CACNA2D3: variants seen among roughly 807,000 people sequenced by gnomAD.
The protein encoded by CACNA2D3 is voltage-dependent calcium channel subunit alpha-2/delta-3.
CACNA2D3 carries 60 observed loss-of-function variants against 160.6 expected under a neutral mutation model. The observed-to-expected ratio is 0.37, with a 90% CI of 0.30 to 0.46. CACNA2D3 has a LOEUF of 0.46. Among genes scored for constraint, CACNA2D3 ranks in the 20% least tolerant of loss-of-function variants. The pLI is 1.00. For missense variants in CACNA2D3, 1,205 were observed against 1,365.0 expected, an observed-to-expected ratio of 0.88 and a Z score of 1.85; for synonymous variants, 558 against 492.9, an observed-to-expected ratio of 1.13 and a Z score of -1.75.
chr3:54,998,222 G>A (rs917892028), intron 31 of CACNA2D3, among the ~76,000 whole-genome samples: 9 of 143,246 alleles, frequency 6.3e-5, no homozygotes, highest in African/African-American at 1.0e-4. Context: ...TGCCACCTCC[G>A]CCTCCTGGGT....
intron 2 of CACNA2D3, among the ~76,000 whole-genome samples, chr3:54,251,888 T>G (rs564576351): frequency 5.3e-5 from 8 of 152,208 alleles, no homozygotes; most frequent in African/African-American, 9.6e-5. Context: ...AGTGTGAAAC[T>G]TGAAGACCTG....
chr3:54,859,958 TCTGGAAA>T (rs1477221818), intron 17 of CACNA2D3, among the ~76,000 whole-genome samples: 7 of 135,582 alleles, frequency 5.2e-5, no homozygotes, highest in African/African-American at 2.1e-4. Flanking sequence ...TAGAACATCA[TCTGGAAA>T]GTAGATGCAC....
At chr3:54,518,356 A>G (rs1416781155) in intron 5 of CACNA2D3, among the ~76,000 whole-genome samples, 1 of 151,986 alleles carries the variant, frequency 6.6e-6, no homozygotes, top group Non-Finnish European at 1.5e-5. Context: ...AGGGTAGGGG[A>G]AGTGAGGGGT....
At chr3:54,624,299 A>G (rs1699048204) in intron 9 of CACNA2D3, among the ~76,000 whole-genome samples, 1 of 152,172 alleles carries the variant, frequency 6.6e-6, no homozygotes, top group Non-Finnish European at 1.5e-5. Flanking sequence ...GATGAAAAGA[A>G]AAATTAAATG....
At chr3:54,546,710 G>A (rs1000924561) in intron 5 of CACNA2D3, among the ~76,000 whole-genome samples, 6 of 31,548 alleles carry the variant, frequency 1.9e-4, no homozygotes, top group African/African-American at 2.8e-4. Flanking sequence ...ACACACACAC[G>A]CGCGCACACA....
At chr3:54,709,516 A>AT (rs1305307176) in intron 11 of CACNA2D3, among the ~76,000 whole-genome samples, 4 of 152,074 alleles carry the variant, frequency 2.6e-5, no homozygotes, top group African/African-American at 9.7e-5. Flanking sequence ...GTACATCACC[A>AT]TGCTGGGCTA....
At chr3:54,437,670 T>A (rs1700080934) in intron 4 of CACNA2D3, among the ~76,000 whole-genome samples, 1 of 152,270 alleles carries the variant, frequency 6.6e-6, no homozygotes. Flanking sequence ...GATTACACAC[T>A]GATCCATATC....
chr3:54,745,100 G>A (rs941765108), intron 11 of CACNA2D3, among the ~76,000 whole-genome samples: 3 of 152,260 alleles, frequency 2.0e-5, no homozygotes, highest in African/African-American at 7.2e-5. Flanking sequence ...TTCCCTAGAA[G>A]CAGAAGGCAT....
At chr3:54,210,393 A>G (rs545375714) in intron 2 of CACNA2D3, among the ~76,000 whole-genome samples, 5 of 152,234 alleles carry the variant, frequency 3.3e-5, no homozygotes, top group Non-Finnish European at 5.9e-5. Context: ...TAGCAAATCT[A>G]TTTTAAAAAT....
In CACNA2D3 at chr3:55,074,307, A is replaced by G; in HGVS notation, c.*101A>G. On this transcript the variant is annotated 3_prime_UTR_variant, in exon 38 of 38. Coordinates refer to ENST00000474759, the MANE Select transcript of CACNA2D3 (RefSeq NM_018398.3). ...ATATGGTGCAACATACGAGACATGA[A>G]TATAGTCCAACCATCAGCATCTCAT... 1.1e-6 allele frequency: 1 copy of G among 892,208 alleles called. No individual in the cohort carries two copies. Among genetic ancestry groups the G allele is most frequent in the Non-Finnish European group, 1.9e-6 (1 of 530,256 alleles). The allele number at this position is 892,208 out of a possible 1,614,324, so 55.3% of individuals were successfully genotyped here. A position where few individuals can be genotyped will look rare whatever the true frequency, so the allele number is the denominator to read the frequency against.
intron 2 of CACNA2D3, among the ~76,000 whole-genome samples, chr3:54,138,579 T>C (rs145969165): frequency 2.2e-4 from 33 of 152,346 alleles, no homozygotes; most frequent in African/African-American, 7.7e-4. Context: ...GGTCATTGTT[T>C]TGAGGCCAGA....
intron 5 of CACNA2D3, among the ~76,000 whole-genome samples, chr3:54,507,952 G>A (rs1701398751): frequency 6.6e-6 from 1 of 152,268 alleles, no homozygotes; most frequent in Non-Finnish European, 1.5e-5. Context: ...GGACTCAAGT[G>A]CTGTGGTCTG....
chr3:54,978,286 A>T (rs1280192148), intron 29 of CACNA2D3, among the ~76,000 whole-genome samples: 1 of 152,144 alleles, frequency 6.6e-6, no homozygotes, highest in Non-Finnish European at 1.5e-5. Context: ...AACACCTCTA[A>T]CATTTCCCCC....
chr3:54,320,465 C>T lies in CACNA2D3; in HGVS notation c.228C>T (p.Asp76=), dbSNP rs959804648. 31 of 1,552,450 alleles carry T rather than the reference C, an allele frequency of 2.0e-5. No individual in the cohort carries two copies. The highest frequency in any genetic ancestry group is 4.1e-5 in the African/African-American group (3 of 73,234). ...LQKKYKEYEK[D]VAIEEIDGLQ... is the part of the protein sequence containing the mutation. Reference sequence around the variant, plus strand: ...AGAAATACAAAGAGTATGAGAAAGACGTTGCCATAGAAGAAATTGATGGCC... The same window carrying T: ...AGAAATACAAAGAGTATGAGAAAGATGTTGCCATAGAAGAAATTGATGGCC... Residue 76 remains aspartate (D), a synonymous_variant, in exon 3 of 38, where the codon GAC becomes GAT. Transcript: ENST00000474759.
intron 5 of CACNA2D3, among the ~76,000 whole-genome samples, chr3:54,507,991 G>T (rs1273601538): frequency 6.6e-6 from 1 of 152,220 alleles, no homozygotes; most frequent in African/African-American, 2.4e-5. Flanking sequence ...AAATTTGTAT[G>T]TTGAAACCTA....
chr3:55,040,098 G>A (rs1213078039), intron 35 of CACNA2D3, among the ~76,000 whole-genome samples: 9 of 152,152 alleles, frequency 5.9e-5, no homozygotes, highest in Admixed American at 5.9e-4. Flanking sequence ...TCTTTAGTTA[G>A]TGAATGGCCT....
chr3:54,615,177 T>C (rs1428364293), intron 9 of CACNA2D3, among the ~76,000 whole-genome samples: 2 of 152,232 alleles, frequency 1.3e-5, no homozygotes, highest in East Asian at 1.9e-4. Flanking sequence ...AATATCACTA[T>C]GTTGCAGCTT....
At chr3:54,172,954 G>A (rs1447755066) in intron 2 of CACNA2D3, among the ~76,000 whole-genome samples, 2 of 152,222 alleles carry the variant, frequency 1.3e-5, no homozygotes, top group Non-Finnish European at 2.9e-5. Flanking sequence ...AGGGCAGGAT[G>A]GGGTGACCAG....
chr3:54,455,853 G>T (rs972379796), intron 4 of CACNA2D3, among the ~76,000 whole-genome samples: 2 of 152,002 alleles, frequency 1.3e-5, no homozygotes, highest in Non-Finnish European at 2.9e-5. Flanking sequence ...AGTGAATGTT[G>T]TTGGCACCTT....
Sources: allele counts gnomAD v4.1 joint callset (sites outside exome capture counted in the v4.1 genomes callset), GRCh38; gene constraint gnomAD v4.1.1; transcripts MANE v1.5; gene names NCBI Gene and HGNC (gene_info 2026-07-23, HGNC 2026-07-21).